GABPB1: variants seen among roughly 807,000 people sequenced by gnomAD.
GABPB1 encodes the protein GA binding protein transcription factor subunit beta 1, also known as GA-binding protein subunit beta-1.
A neutral mutation model predicts 45.9 loss-of-function variants in GABPB1; 15 were observed. The observed-to-expected ratio is 0.33, with a 90% CI of 0.22 to 0.50. The LOEUF is 0.50. Among genes scored for constraint, GABPB1 ranks in the 20% least tolerant of loss-of-function variants. The pLI, the probability that GABPB1 is intolerant of heterozygous loss-of-function variation, is 0.98. For synonymous variants in GABPB1, 143 were observed against 154.4 expected, an observed-to-expected ratio of 0.93 and a Z score of 0.55; for missense variants, 252 against 457.5, an observed-to-expected ratio of 0.55 and a Z score of 4.10.
At chr15:50,353,177 G>T (rs1315799361) in intron 1 of GABPB1, 2 of 152,136 alleles carry the variant, frequency 1.3e-5, no homozygotes, top group Non-Finnish European at 2.9e-5. Flanking sequence ...ATCTTCGAAT[G>T]TTCCTGAGTC....
chr15:50,313,019 A>G (rs1430857653), intron 1 of GABPB1, among the ~76,000 whole-genome samples: 1 of 152,198 alleles, frequency 6.6e-6, no homozygotes, highest in East Asian at 1.9e-4. Context: ...CTATGGGTAG[A>G]TAACTGTTGA....
At chr15:50,307,693 C>T (rs1217628898) in intron 2 of GABPB1, among the ~76,000 whole-genome samples, 2 of 127,846 alleles carry the variant, frequency 1.6e-5, no homozygotes, top group Non-Finnish European at 1.7e-5. Context: ...CAGTGTGAGA[C>T]TCCATCTCAA....
Position 50,277,747 on chromosome 15 carries a change from T to A in GABPB1, c.*885A>T, listed in dbSNP as rs2045864829. ...ATCAGTGCCTTAAAGTGCTTTCATG[T>A]GGAAATCATGATGGAAGGCACAGAA... On this transcript the variant is annotated 3_prime_UTR_variant, in exon 9 of 9. Transcript: ENST00000380877. 6.6e-6 allele frequency: 1 copy of A among 152,634 alleles called. No individual in the cohort carries two copies. The allele number at this position is 152,634 out of a possible 1,614,324, so 9.5% of individuals were successfully genotyped here. A position where few individuals can be genotyped will look rare whatever the true frequency, so the allele number is the denominator to read the frequency against.
intron 1 of GABPB1, among the ~76,000 whole-genome samples, chr15:50,318,807 A>G (rs2047443374): frequency 6.6e-6 from 1 of 152,268 alleles, no homozygotes; most frequent in African/African-American, 2.4e-5. Context: ...AGAAAAAACT[A>G]GACTATTTTT....
At chr15:50,352,956 A>C (rs2048904044) in intron 1 of GABPB1, 2 of 151,462 alleles carry the variant, frequency 1.3e-5, no homozygotes, top group Admixed American at 1.3e-4. Context: ...AAGAACTCTA[A>C]GGATATGTCT....
At chr15:50,335,326 C>G (rs1289628379) in intron 1 of GABPB1, among the ~76,000 whole-genome samples, 1 of 152,176 alleles carries the variant, frequency 6.6e-6, no homozygotes, top group East Asian at 1.9e-4. Context: ...GCAAGAATAT[C>G]TCATAAGACT....
chr15:50,323,099 A>G (rs2047632292), intron 1 of GABPB1, among the ~76,000 whole-genome samples: 1 of 152,150 alleles, frequency 6.6e-6, no homozygotes, highest in African/African-American at 2.4e-5. Context: ...TGCTGGGCAC[A>G]GTGGTGTGCA....
At chr15:50,314,941 C>T (rs1306399364) in intron 1 of GABPB1, among the ~76,000 whole-genome samples, 1 of 152,246 alleles carries the variant, frequency 6.6e-6, no homozygotes. Context: ...CCAGCTATCA[C>T]ATTCACAGTG....
intron 1 of GABPB1, among the ~76,000 whole-genome samples, chr15:50,342,634 C>T (rs1444561219): frequency 2.6e-5 from 4 of 152,150 alleles, no homozygotes; most frequent in Non-Finnish European, 4.4e-5. Context: ...TTGGTCATGA[C>T]CTATTAACAG....
At chr15:50,344,258 G>C (rs75356326) in intron 1 of GABPB1, among the ~76,000 whole-genome samples, 2 of 152,184 alleles carry the variant, frequency 1.3e-5, no homozygotes, top group Non-Finnish European at 2.9e-5. Context: ...TCAGAAAGTA[G>C]AATTTGGACT....
At chr15:50,342,457 GCATT>G (rs2048411743) in intron 1 of GABPB1, among the ~76,000 whole-genome samples, 1 of 151,948 alleles carries the variant, frequency 6.6e-6, no homozygotes, top group South Asian at 2.1e-4. Context: ...TTTCTATTCA[GCATT>G]ATTATAAACA....
In GABPB1 at chr15:50,302,905, CTTAAA is replaced by C; in HGVS notation, c.471+19_471+23del. On this transcript the variant is annotated intron_variant, in intron 4 of 8. Coordinates refer to ENST00000380877, the MANE Select transcript of GABPB1 (RefSeq NM_016654.5). Reference sequence around the variant, plus strand: ...GATAAGGCTTCTTTTTCTTTATTTTCTTAAATTAAAAGCCAAAAGTTACCTGTAAT... The same window carrying C: ...GATAAGGCTTCTTTTTCTTTATTTTCTTAAAAGCCAAAAGTTACCTGTAAT... The C allele has an allele frequency of 1.3e-6, 2 of 1,500,678 alleles. No homozygotes were observed. The highest frequency in any genetic ancestry group is 1.8e-6 in the Non-Finnish European group (2 of 1,092,224). 93.0% of individuals were successfully genotyped at this position (1,500,678 alleles called of 1,614,324 possible). A position where few individuals can be genotyped will look rare whatever the true frequency, so the allele number is the denominator to read the frequency against.
At chr15:50,320,620 A>G (rs2047533027) in intron 1 of GABPB1, among the ~76,000 whole-genome samples, 1 of 152,348 alleles carries the variant, frequency 6.6e-6, no homozygotes, top group Middle Eastern at 3.4e-3. Flanking sequence ...GCTACCTTAC[A>G]TGGCAAAAGG....
Position 50,289,779 on chromosome 15 carries a change from C to T in GABPB1, c.698-111G>A, listed in dbSNP as rs7175320. On this transcript the variant is annotated intron_variant, in intron 6 of 8. Coordinates refer to ENST00000380877, the MANE Select transcript of GABPB1 (RefSeq NM_016654.5). ...TCTATGCTTCTTTCTTTTCTTTTTTCTTTTTTAAATAGAGATAGGGTCTCA... is the reference window on the plus strand; with the variant it reads ...TCTATGCTTCTTTCTTTTCTTTTTTTTTTTTTAAATAGAGATAGGGTCTCA... 1.5e-4 allele frequency: 113 copies of T among 737,626 alleles called. 1 individual carries two copies. The highest frequency in any genetic ancestry group is 3.1e-4 in the Middle Eastern group (1 of 3,200). The allele number at this position is 737,626 out of a possible 1,614,324, so 45.7% of individuals were successfully genotyped here.
At chr15:50,323,120 C>T (rs1458900017) in intron 1 of GABPB1, among the ~76,000 whole-genome samples, 1 of 152,150 alleles carries the variant, frequency 6.6e-6, no homozygotes, top group African/African-American at 2.4e-5. Flanking sequence ...CCTGCAGTAC[C>T]AGCTACTTGG....
At chr15:50,283,363 A>G (rs187448443) in intron 8 of GABPB1, among the ~76,000 whole-genome samples, 17 of 152,086 alleles carry the variant, frequency 1.1e-4, no homozygotes, top group Admixed American at 3.3e-4. Context: ...AAAAAAAAAA[A>G]CCTATTTTAT....
rs2045829936 is a variant in GABPB1, at chr15:50,275,611, T to C, written c.*3021A>G. On this transcript the variant is annotated 3_prime_UTR_variant, in exon 9 of 9. Transcript: ENST00000380877. ...TACATGAGATTTCCCATTTATCCTC[T>C]TTTCTCTCTAATTGTCTTCCCAACC... is the stretch of plus-strand genomic sequence containing the variant. 2 of 152,176 alleles carry C rather than the reference T, an allele frequency of 1.3e-5. No homozygotes were observed. 9.4% of individuals were successfully genotyped at this position (152,176 alleles called of 1,614,324 possible). A position where few individuals can be genotyped will look rare whatever the true frequency, so the allele number is the denominator to read the frequency against.
At chr15:50,295,070 TAC>T (rs1012802374) in intron 6 of GABPB1, among the ~76,000 whole-genome samples, 1 of 152,156 alleles carries the variant, frequency 6.6e-6, no homozygotes, top group African/African-American at 2.4e-5. Context: ...GCCAGATAAC[TAC>T]ACTACAGATG....
chr15:50,339,089 G>C (rs2048248841), intron 1 of GABPB1, among the ~76,000 whole-genome samples: 1 of 152,092 alleles, frequency 6.6e-6, no homozygotes, highest in Non-Finnish European at 1.5e-5. Flanking sequence ...GATCACTCAG[G>C]TGACCCTGAC....
Sources: gnomAD v4.1 joint callset for allele counts (sites outside exome capture counted in the v4.1 genomes callset) on GRCh38, gnomAD v4.1.1 for gene constraint, MANE v1.5 for transcripts, NCBI Gene and HGNC (gene_info 2026-07-23, HGNC 2026-07-21) for gene names.